The following GPI variants were observed in gnomAD, a reference collection of about 807,000 sequenced individuals.
GPI encodes D-hexose-6-phosphate anomerase.
In GPI, 56 loss-of-function variants were observed where a neutral mutation model predicts 75.8. The observed-to-expected ratio is 0.74, with a 90% confidence interval of 0.60 to 0.92. The LOEUF (loss-of-function observed/expected upper bound fraction) is 0.92. Among genes scored for constraint, GPI ranks in the 40% least tolerant of loss-of-function variants. The pLI, the probability that GPI is intolerant of heterozygous loss-of-function variation, is 0.00. For missense variants in GPI, 638 were observed against 741.0 expected (o/e 0.86, Z 1.61); for synonymous variants, 288 against 285.4 (o/e 1.01, Z -0.09).
intron 9 of GPI, among the ~76,000 whole-genome samples, chr19:34,391,926 G>A (rs1216160476): frequency 0.011 from 5 of 464 alleles, no homozygotes; most frequent in Non-Finnish European, 0.017. Context: ...GAGGATCTGG[G>A]TCTGTCATGT....
At chr19:34,379,429 A>G (rs538698918) in intron 7 of GPI, 89 bp from the exon 8 acceptor site, 16 of 1,115,318 alleles carry the variant, frequency 1.4e-5, no homozygotes, top group Admixed American at 8.4e-5. Context: ...TCTCAGTCCC[A>G]TGCAGGGCCT....
intron 4 of GPI, among the ~76,000 whole-genome samples, chr19:34,374,834 A>G (rs763014034): frequency 2.0e-4 from 30 of 151,220 alleles, no homozygotes; most frequent in Non-Finnish European, 2.1e-4. Context: ...GGCTCAAGCA[A>G]TTCCCCACCT....
Position 34,381,516 on chromosome 19 carries a change from G to A in GPI, c.801G>A (p.Trp267Ter), listed in dbSNP as rs778696675. Residue 267 changes from tryptophan (W) to a stop codon, truncating the protein, a stop_gained, in exon 9 of 18, where the codon TGG becomes TGA. Transcript: ENST00000356487. LOFTEE classifies it high-confidence loss of function. ...ACCCTCAAAACATGTTCGAGTTCTGGGATGTAAGTACAAGCACTTCTGCAC... is the reference window on the plus strand; with the variant it reads ...ACCCTCAAAACATGTTCGAGTTCTGAGATGTAAGTACAAGCACTTCTGCAC... The part of the protein sequence containing the change: ...GIDPQNMFEF[W>*]DWVGGRYSLW... 4 of 1,600,990 alleles carry A rather than the reference G, an allele frequency of 2.5e-6. No homozygotes were observed. The highest frequency in any genetic ancestry group is 3.4e-6 in the Non-Finnish European group (4 of 1,168,216).
At chr19:34,364,669 C>A, upstream of GPI, 1 of 335,452 alleles carries the variant, frequency 3.0e-6, no homozygotes, top group Non-Finnish European at 5.4e-6. Context: ...TGAGCCACCG[C>A]GCCCGGCCTA....
At chr19:34,396,274 A>G in intron 12 of GPI, 27 bp from the exon 13 acceptor site, 1 of 1,613,798 alleles carries the variant, frequency 6.2e-7, no homozygotes, top group Non-Finnish European at 8.5e-7. Context: ...CATTTTGCCA[A>G]GAACTGGGTT....
chr19:34,377,105 A>G (rs1378839771), intron 4 of GPI, among the ~76,000 whole-genome samples: 1 of 151,304 alleles, frequency 6.6e-6, no homozygotes, highest in Non-Finnish European at 1.5e-5. Flanking sequence ...GATCGAGACC[A>G]TCCTGGCTAA....
At chr19:34,365,412 G>A (rs753635802) in intron 1 of GPI, 24 bp downstream of exon 1, 5 of 1,553,460 alleles carry the variant, frequency 3.2e-6, no homozygotes, top group South Asian at 1.2e-5. Flanking sequence ...GGAGGCGGGG[G>A]CTGCCACGCG....
At chr19:34,365,042 C>T (rs1201968612), upstream of GPI, 2 of 1,508,486 alleles carry the variant, frequency 1.3e-6, no homozygotes, top group East Asian at 2.6e-5. Flanking sequence ...GAGCTGAGGC[C>T]CCAGATCAGC....
intron 9 of GPI, among the ~76,000 whole-genome samples, chr19:34,390,448 A>G (rs1015373495): frequency 2.0e-5 from 3 of 151,818 alleles, no homozygotes; most frequent in Non-Finnish European, 2.9e-5. Context: ...TGTCTATGGA[A>G]GTAGGGCCTG....
intron 4 of GPI, among the ~76,000 whole-genome samples, chr19:34,369,579 C>T (rs1386902719): frequency 3.3e-5 from 5 of 152,028 alleles, no homozygotes; most frequent in African/African-American, 9.7e-5. Flanking sequence ...TGGTGACATA[C>T]GCCTGCAATC....
intron 4 of GPI, 23 bp downstream of exon 4, chr19:34,368,725 T>A: frequency 6.2e-7 from 1 of 1,614,090 alleles, no homozygotes; most frequent in South Asian, 1.1e-5. Flanking sequence ...TGGGCCGGAC[T>A]CACCCTTGGC....
At chr19:34,396,207 G>A (rs977549159) in intron 12 of GPI, 94 bp from the exon 13 acceptor site, 9 of 1,447,416 alleles carry the variant, frequency 6.2e-6, no homozygotes, top group Non-Finnish European at 6.7e-6. Context: ...CAAAGTGCTG[G>A]AATTACAGGC....
chr19:34,362,113 C>CAAAAAA (rs71165651), upstream of GPI, among the ~76,000 whole-genome samples: 4 of 79,660 alleles, frequency 5.0e-5, no homozygotes, highest in Non-Finnish European at 1.0e-4. Context: ...GACTCCATCT[C>CAAAAAA]AAAAAAAAAA....
rs901035421 is a variant in GPI at position 34,393,225 on chromosome 19, G to C, written c.805-23G>C. On this transcript the variant is annotated intron_variant, in intron 9 of 17. Transcript: ENST00000356487. The surrounding 1 kb of genome is among the most constrained non-coding windows in gnomAD (Gnocchi z 4.4). ...GGCGGGGTGTGCCGGCCCTCCCTCA[G>C]CACCTTGTCCTGTCTCTCCTAGTGG... 2 of 1,597,502 alleles carry C rather than the reference G, an allele frequency of 1.3e-6. No individual in the cohort carries two copies. Among genetic ancestry groups the C allele is most frequent in the South Asian group, 2.2e-5 (2 of 90,764 alleles).
At chr19:34,383,995 G>A (rs1454310768) in intron 9 of GPI, among the ~76,000 whole-genome samples, 4 of 152,200 alleles carry the variant, frequency 2.6e-5, no homozygotes, top group African/African-American at 9.6e-5. Flanking sequence ...AATCAGACAG[G>A]TTTGTATGGC....
At chr19:34,369,076 T>A (rs1008344475) in intron 4 of GPI, among the ~76,000 whole-genome samples, 1 of 144,410 alleles carries the variant, frequency 6.9e-6, no homozygotes, top group Non-Finnish European at 1.5e-5. Context: ...TGAGATGGAG[T>A]CTCACTCTCT....
chr19:34,377,987 C>T (rs891166109), intron 6 of GPI, 106 bp downstream of exon 6: 103 of 1,149,222 alleles, frequency 9.0e-5, no homozygotes, highest in Non-Finnish European at 1.1e-4. Flanking sequence ...TGGTGGGTTC[C>T]GAGTGAACCA....
At position 34,399,991 on chromosome 19, in the gene GPI, G is replaced by T. The variant is rs376737076; in HGVS notation, c.1632G>T (p.Gly544=). The T allele has an allele frequency of 5.0e-6, 8 of 1,613,526 alleles. No individual in the cohort carries two copies. Among genetic ancestry groups the T allele is most frequent in the Non-Finnish European group, 5.9e-6 (7 of 1,180,004 alleles). The change falls in exon 18 of 18, where the codon GGG becomes GGT. Residue 544 remains glycine, a synonymous_variant. Coordinates refer to ENST00000356487, the MANE Select transcript of GPI (RefSeq NM_000175.5). ...CCTCTCACGACGCTTCTACCAATGG[G>T]CTCATCAACTTCATCAAGCAGCAGC... ...QVTSHDASTN[G]LINFIKQQRE...
In GPI at chr19:34,389,569, A is replaced by G. The variant is rs1047075610; in HGVS notation, c.805-3679A>G. Among the ~76,000 whole-genome samples the G allele has an allele frequency of 3.3e-5, 5 of 152,170 alleles. No homozygotes were observed. In the South Asian group the frequency reaches 8.3e-4, roughly 25 times the overall value. Reference sequence around the variant, plus strand: ...TCTAGAAGGTTACTAGTCTTGGACCATCCTTGGGAGAACTGAGAAGTCACT... The same window carrying G: ...TCTAGAAGGTTACTAGTCTTGGACCGTCCTTGGGAGAACTGAGAAGTCACT... On this transcript the variant is annotated intron_variant, in intron 9 of 17. Transcript: ENST00000356487.
Sources: allele counts gnomAD v4.1 joint callset (sites outside exome capture counted in the v4.1 genomes callset), GRCh38; gene constraint gnomAD v4.1.1; non-coding constraint Gnocchi (gnomAD v3.1); transcripts MANE v1.5; gene names NCBI Gene and HGNC (gene_info 2026-07-23, HGNC 2026-07-21).